XYLT2: variants seen among roughly 807,000 people sequenced by gnomAD.
XYLT2 encodes the protein UDP-D-xylose:proteoglycan core protein beta-D-xylosyltransferase.
XYLT2 carries 37 observed loss-of-function variants against 82.6 expected under a neutral mutation model. The observed-to-expected ratio is 0.45, with a 90% confidence interval of 0.34 to 0.59. The LOEUF is 0.59. XYLT2 is among the 20% of genes least tolerant of loss of function. The pLI, the probability that XYLT2 is intolerant of heterozygous loss-of-function variation, is 0.01. For synonymous variants in XYLT2, 474 were observed against 499.0 expected (o/e 0.95, Z 0.67); for missense variants, 934 against 1,181.3 (o/e 0.79, Z 3.07).
In XYLT2 at chr17:50,358,639, C is replaced by G. The variant is rs1912662675; in HGVS notation, c.2275+99C>G. Reference sequence around the variant, plus strand: ...GCCAACCATCAGAGCTGACTCCCATCCCTAGAGTCAGGGAAGCATGGAAGG... The same window carrying G: ...GCCAACCATCAGAGCTGACTCCCATGCCTAGAGTCAGGGAAGCATGGAAGG... On this transcript the variant is annotated intron_variant, in intron 10 of 10. Transcript: ENST00000017003. 3 of 1,262,036 alleles carry G rather than the reference C, an allele frequency of 2.4e-6. No individual in the cohort carries two copies. In the Admixed American group the frequency reaches 8.0e-5, roughly 34 times the overall value. The allele number at this position is 1,262,036 out of a possible 1,614,324, so 78.2% of individuals were successfully genotyped here.
At chr17:50,357,400 A>G in intron 9 of XYLT2, 148 bp downstream of exon 9, 1 of 763,448 alleles carries the variant, frequency 1.3e-6, no homozygotes, top group Admixed American at 3.1e-5. Context: ...ATCCTGTGTC[A>G]CCCCCCAGCC....
Position 50,358,367 on chromosome 17 carries a change from A to G in XYLT2, c.2102A>G (p.Tyr701Cys), listed in dbSNP as rs1204228995. The G allele has an allele frequency of 1.2e-6, 2 of 1,614,086 alleles. No homozygotes were observed. The highest frequency in any genetic ancestry group is 1.7e-6 in the Non-Finnish European group (2 of 1,180,038). Reference protein sequence around the residue: ...IDPTYVVATSYDITVDTETEV... With the variant: ...IDPTYVVATSCDITVDTETEV... ...CCAACCTATGTGGTGGCCACATCTT[A>G]TGACATCACAGTAGATACGGAGACT... The change falls in exon 10 of 11, where the codon TAT becomes TGT. Residue 701 changes from tyrosine (Y) to cysteine (C), a missense_variant. Physicochemically the swap from Tyr to Cys is radical, Grantham distance 194. Coordinates refer to ENST00000017003, the MANE Select transcript of XYLT2 (RefSeq NM_022167.4).
intron 1 of XYLT2, among the ~76,000 whole-genome samples, chr17:50,347,712 TG>T (rs1295794953): frequency 6.6e-6 from 1 of 152,236 alleles, no homozygotes; most frequent in Non-Finnish European, 1.5e-5. Flanking sequence ...AGGGGAATCC[TG>T]GGCTGGAATG....
chr17:50,352,153 G>A (rs752595196), intron 1 of XYLT2, among the ~76,000 whole-genome samples: 6 of 152,232 alleles, frequency 3.9e-5, no homozygotes, highest in Non-Finnish European at 5.9e-5. Context: ...GGGAAGGCCC[G>A]TGGGAGAGGG....
At position 50,358,224 on chromosome 17, in the gene XYLT2, C is replaced by T. The variant is rs1358983938; in HGVS notation, c.1959C>T (p.Asp653=). 9 of 1,606,664 alleles carry T rather than the reference C, an allele frequency of 5.6e-6. No individual in the cohort carries two copies. The highest frequency in any genetic ancestry group is 2.6e-6 in the Non-Finnish European group (3 of 1,175,674). ...LQSLEVGTDW[D]PKERLFRNFG... is the part of the protein sequence containing the mutation. ...CTCTACAGGTTGGCACTGATTGGGA[C>T]CCCAAAGAGCGTCTTTTCCGGAACT... Residue 653 remains aspartate (D), a synonymous_variant, in exon 10 of 11, where the codon GAC becomes GAT. Coordinates refer to ENST00000017003, the MANE Select transcript of XYLT2 (RefSeq NM_022167.4).
chr17:50,353,269 T>C (rs1912345461), intron 1 of XYLT2, among the ~76,000 whole-genome samples: 1 of 152,134 alleles, frequency 6.6e-6, no homozygotes, highest in African/African-American at 2.4e-5. Flanking sequence ...GTACCCTCGG[T>C]GGGGTCTTTG....
rs1912363467 is a variant in XYLT2, at chr17:50,353,697, C to G, written c.203C>G (p.Ala68Gly). Residue 68 changes from alanine to glycine, a missense_variant, in exon 2 of 11, where the codon GCA becomes GGA. By Grantham distance (60) the Ala-to-Gly change is moderately conservative. Around this residue, in one of 3 missense-constraint regions of XYLT2, gnomAD observed 371 missense variants for 394.9 expected, o/e 0.94. Coordinates refer to ENST00000017003, the MANE Select transcript of XYLT2 (RefSeq NM_022167.4). ...GEGSKDTDSS[A>G]GRRGSTGRRH... ...GGTTCCAAGGACACAGACAGTTCAG[C>G]AGGGCGACGGGGCAGCACAGGCAGA... The G allele has an allele frequency of 6.4e-7, 1 of 1,563,218 alleles. No homozygotes were observed. The highest frequency in any genetic ancestry group is 1.7e-4 in the Middle Eastern group (1 of 6,004).
intron 1 of XYLT2, among the ~76,000 whole-genome samples, chr17:50,348,585 C>G (rs894831671): frequency 6.6e-6 from 1 of 152,174 alleles, no homozygotes; most frequent in African/African-American, 2.4e-5. Flanking sequence ...GGGATGGTCA[C>G]GAACCTCCAG....
At chr17:50,358,561 T>C in intron 10 of XYLT2, 21 bp downstream of exon 10, 1 of 1,594,350 alleles carries the variant, frequency 6.3e-7, no homozygotes, top group Non-Finnish European at 8.6e-7. Context: ...AGTTCTCAAA[T>C]GAGGCCCAGA....
rs1912026119 is a variant in XYLT2 at position 50,346,194 on chromosome 17, T to C, written c.54T>C (p.Ile18=). 5.4e-6 allele frequency: 7 copies of C among 1,292,536 alleles called. No individual in the cohort carries two copies. The highest frequency in any genetic ancestry group is 2.8e-5 in the Admixed American group (1 of 35,262). 80.1% of individuals were successfully genotyped at this position (1,292,536 alleles called of 1,614,324 possible). A position where few individuals can be genotyped will look rare whatever the true frequency, so the allele number is the denominator to read the frequency against. Residue 18 remains isoleucine (I), a synonymous_variant, in exon 1 of 11, where the codon ATT becomes ATC. Coordinates refer to ENST00000017003, the MANE Select transcript of XYLT2 (RefSeq NM_022167.4). The surrounding 1 kb of genome is among the most constrained non-coding windows in gnomAD (Gnocchi z 5.1). ...QKLVRRYKLA[I]ATALAILLLQ... is the part of the protein sequence containing the mutation. ...TGGTGCGGCGCTACAAGCTGGCGAT[T>C]GCCACGGCGCTGGCCATCCTGCTGC...
In XYLT2 at chr17:50,346,409, A is replaced by G. The variant is rs1598346098; in HGVS notation, c.135+134A>G. 5 of 954,228 alleles carry G rather than the reference A, an allele frequency of 5.2e-6. No individual in the cohort carries two copies. The highest frequency in any genetic ancestry group is 1.8e-5 in the African/African-American group (1 of 56,602). 59.1% of individuals were successfully genotyped at this position (954,228 alleles called of 1,614,324 possible). A position where few individuals can be genotyped will look rare whatever the true frequency, so the allele number is the denominator to read the frequency against. ...GCGTGCGGGGCGCCGGCGGTCGCCC[A>G]GAGCGGAGCATCCGGCCCCCGGCAC... On this transcript the variant is annotated intron_variant, in intron 1 of 10. Coordinates refer to ENST00000017003, the MANE Select transcript of XYLT2 (RefSeq NM_022167.4). This position sits in a 1 kb window ranked among gnomAD's most constrained non-coding sequence, Gnocchi z 5.1.
chr17:50,357,592 CTTTTTTTT>C (rs59572285), intron 9 of XYLT2: 20 of 156,408 alleles, frequency 1.3e-4, no homozygotes, highest in Admixed American at 4.2e-4. Flanking sequence ...TCCTCATAGT[CTTTTTTTT>C]TTTTTTTTTG....
At chr17:50,357,448 A>G in intron 9 of XYLT2, 196 bp downstream of exon 9, 1 of 568,684 alleles carries the variant, frequency 1.8e-6, no homozygotes, top group Non-Finnish European at 3.1e-6. Context: ...TGGGGTATGC[A>G]GAGGACATGC....
At chr17:50,356,488 C>T (rs752349222) in intron 7 of XYLT2, 23 bp from the exon 8 acceptor site, 8 of 1,611,340 alleles carry the variant, frequency 5.0e-6, no homozygotes, top group Admixed American at 1.7e-5. Flanking sequence ...AGCCCTTCAC[C>T]CTCCTTGCCT....
intron 10 of XYLT2, chr17:50,359,683 G>A: frequency 2.4e-6 from 1 of 410,444 alleles, no homozygotes; most frequent in Admixed American, 4.1e-5. Flanking sequence ...TGATGGTCAA[G>A]AAAGGGTATG....
intron 3 of XYLT2, 68 bp from the exon 4 acceptor site, chr17:50,354,786 T>A (rs1205951275): frequency 4.4e-6 from 7 of 1,597,528 alleles, no homozygotes; most frequent in Non-Finnish European, 6.0e-6. Context: ...GTCCCTTCAC[T>A]CTGTCCTGGG....
Position 50,346,812 on chromosome 17 carries a change from G to A in XYLT2, c.135+537G>A. ...GGGACAAAGTGTGTACCCGGGAACT[G>A]AAGGAACAGGGAGTGACGCCGAAGG... On this transcript the variant is annotated intron_variant, in intron 1 of 10. Coordinates refer to ENST00000017003, the MANE Select transcript of XYLT2 (RefSeq NM_022167.4). This position sits in a 1 kb window ranked among gnomAD's most constrained non-coding sequence, Gnocchi z 5.1. 2.0e-6 allele frequency: 2 copies of A among 985,406 alleles called. No homozygotes were observed. The highest frequency in any genetic ancestry group is 2.4e-6 in the Non-Finnish European group (2 of 829,932). The allele number at this position is 985,406 out of a possible 1,614,324, so 61.0% of individuals were successfully genotyped here.
At chr17:50,348,585 C>T (rs894831671) in intron 1 of XYLT2, among the ~76,000 whole-genome samples, 4 of 152,292 alleles carry the variant, frequency 2.6e-5, no homozygotes, top group African/African-American at 4.8e-5. Context: ...GGGATGGTCA[C>T]GAACCTCCAG....
intron 1 of XYLT2, among the ~76,000 whole-genome samples, chr17:50,352,559 T>C (rs1413810290): frequency 6.6e-6 from 1 of 152,136 alleles, no homozygotes; most frequent in East Asian, 1.9e-4. Context: ...TGGGATTTGG[T>C]CAGGCAGGGC....
Sources: allele counts gnomAD v4.1 joint callset (sites outside exome capture counted in the v4.1 genomes callset), GRCh38; gene constraint gnomAD v4.1.1; regional missense constraint gnomAD v4.1.1; non-coding constraint Gnocchi (gnomAD v3.1); transcripts MANE v1.5; gene names NCBI Gene and HGNC (gene_info 2026-07-23, HGNC 2026-07-21).